MAML2: variants seen among roughly 807,000 people sequenced by gnomAD.
MAML2 encodes the protein mastermind like transcriptional coactivator 2.
MAML2 carries 22 observed loss-of-function variants against 96.1 expected under a neutral mutation model. The observed-to-expected ratio is 0.23, with a 90% CI of 0.16 to 0.33. MAML2 has a LOEUF of 0.33. MAML2 is among the 10% of genes least tolerant of loss of function. The pLI is 1.00. For missense variants in MAML2, 1,367 were observed against 1,392.4 expected (o/e 0.98, Z 0.29); for synonymous variants, 561 against 521.3 (o/e 1.08, Z -1.04).
chr11:96,066,541 T>G (rs1259299152), intron 2 of MAML2, among the ~76,000 whole-genome samples: 1 of 152,232 alleles, frequency 6.6e-6, no homozygotes, highest in Non-Finnish European at 1.5e-5. Flanking sequence ...ATGTTGAATC[T>G]AATGATGTTT....
chr11:96,177,916 TTGTGTGTG>T (rs58447778), intron 1 of MAML2, among the ~76,000 whole-genome samples: 30 of 139,938 alleles, frequency 2.1e-4, no homozygotes, highest in African/African-American at 4.5e-4. Context: ...GAGACCTTAG[TTGTGTGTG>T]TGTGTGTGTG....
intron 1 of MAML2, among the ~76,000 whole-genome samples, chr11:96,285,362 T>C (rs1863124534): frequency 6.6e-6 from 1 of 152,094 alleles, no homozygotes; most frequent in Non-Finnish European, 1.5e-5. Flanking sequence ...AATCCCAAAC[T>C]TTAAACACCT....
chr11:96,341,216 G>T (rs1018411890), intron 1 of MAML2, among the ~76,000 whole-genome samples, 167 bp downstream of exon 1: 7 of 152,190 alleles, frequency 4.6e-5, no homozygotes, highest in African/African-American at 1.7e-4. Context: ...AGAACATGAT[G>T]AGTAGGCGCA....
rs1864015797 is a variant in MAML2, at chr11:96,342,679, G to T, written c.-784C>A. The T allele has an allele frequency of 2.8e-6, 1 of 361,958 alleles. No individual in the cohort carries two copies. The highest frequency in any genetic ancestry group is 4.9e-6 in the Non-Finnish European group (1 of 203,566). The allele number at this position is 361,958 out of a possible 1,614,324, so 22.4% of individuals were successfully genotyped here. A position where few individuals can be genotyped will look rare whatever the true frequency, so the allele number is the denominator to read the frequency against. ...GTCAGTAATTGGACTTTTGGACCATGCTTTTTTCTTCAGCTAATCCAATCA... is the reference window on the plus strand; with the variant it reads ...GTCAGTAATTGGACTTTTGGACCATTCTTTTTTCTTCAGCTAATCCAATCA... On this transcript the variant is annotated 5_prime_UTR_variant, in exon 1 of 5. Coordinates refer to ENST00000524717, the MANE Select transcript of MAML2 (RefSeq NM_032427.4).
chr11:96,067,843 T>C (rs1859269306), intron 2 of MAML2, among the ~76,000 whole-genome samples: 1 of 152,224 alleles, frequency 6.6e-6, no homozygotes, highest in Non-Finnish European at 1.5e-5. Context: ...ATATTATATT[T>C]TGCAAGCTTG....
In MAML2 at chr11:96,092,012, A is replaced by C; in HGVS notation, c.2019T>G (p.Ser673=). ...ACCTTAGCAAAGGCTGGCTTGGTAG[A>C]GATTGGGCAGGCTGAGAAGATGGTT... ...QQQPSSQPAQ[S]LPSQPLLRSP... The change falls in exon 2 of 5, where the codon TCT becomes TCG. Residue 673 remains serine (S), a synonymous_variant. Transcript: ENST00000524717. This position sits in a 1 kb window ranked among gnomAD's most constrained non-coding sequence, Gnocchi z 4.1. The C allele has an allele frequency of 1.9e-6, 3 of 1,574,550 alleles. No homozygotes were observed. Among genetic ancestry groups the C allele is most frequent in the Non-Finnish European group, 2.6e-6 (3 of 1,159,460 alleles).
intron 1 of MAML2, among the ~76,000 whole-genome samples, chr11:96,159,404 A>G (rs1432122694): frequency 1.6e-5 from 1 of 62,000 alleles, no homozygotes. Context: ...TAAACCACTG[A>G]TTCTTTTTTT....
intron 1 of MAML2, among the ~76,000 whole-genome samples, chr11:96,170,622 G>A (rs966399594): frequency 6.6e-6 from 1 of 152,214 alleles, no homozygotes; most frequent in African/African-American, 2.4e-5. Context: ...TGGATTATCA[G>A]GCAGCAAAGG....
chr11:96,316,298 A>G (rs544267621), intron 1 of MAML2, among the ~76,000 whole-genome samples: 1 of 152,334 alleles, frequency 6.6e-6, no homozygotes, highest in African/African-American at 2.4e-5. Flanking sequence ...AGGCAATAAA[A>G]TGGAGTTTCT....
chr11:96,122,500 GTGT>G (rs1565221690), intron 1 of MAML2, among the ~76,000 whole-genome samples: 917 of 86,428 alleles, frequency 0.011, 9 homozygotes, highest in African/African-American at 0.04. Flanking sequence ...TAGGCTGGGT[GTGT>G]GTGTGTGTGT....
At chr11:96,253,991 A>G (rs1017603957) in intron 1 of MAML2, among the ~76,000 whole-genome samples, 2 of 152,230 alleles carry the variant, frequency 1.3e-5, no homozygotes, top group African/African-American at 2.4e-5. Context: ...TTGCAAAGGT[A>G]TATAAGAATA....
At chr11:96,064,470 T>C (rs773513508) in intron 2 of MAML2, among the ~76,000 whole-genome samples, 1 of 152,208 alleles carries the variant, frequency 6.6e-6, no homozygotes, top group Non-Finnish European at 1.5e-5. Flanking sequence ...TGTGGAAAAA[T>C]AGTTGTATAT....
chr11:96,029,807 A>C (rs1463585858), intron 2 of MAML2, among the ~76,000 whole-genome samples: 2 of 152,238 alleles, frequency 1.3e-5, no homozygotes, highest in African/African-American at 4.8e-5. Context: ...GCTCAAAGAT[A>C]GGCCTAAAGG....
chr11:96,173,591 G>A (rs7116135), intron 1 of MAML2, among the ~76,000 whole-genome samples: 4,286 of 152,242 alleles, frequency 0.028, 200 homozygotes, highest in African/African-American at 0.099. Context: ...AGTATGAAAG[G>A]GGCAGAATAA....
chr11:95,991,002 G>C (rs551949545), intron 3 of MAML2, among the ~76,000 whole-genome samples: 11 of 151,244 alleles, frequency 7.3e-5, no homozygotes, highest in African/African-American at 2.7e-4. Context: ...AATCACTTTT[G>C]CATCAACCTA....
At chr11:96,016,077 T>G (rs974773690) in intron 2 of MAML2, among the ~76,000 whole-genome samples, 2 of 152,184 alleles carry the variant, frequency 1.3e-5, no homozygotes, top group African/African-American at 4.8e-5. Flanking sequence ...AACTTAATCT[T>G]TATTTAAACT....
At chr11:96,137,750 A>T (rs1408353403) in intron 1 of MAML2, among the ~76,000 whole-genome samples, 1 of 152,244 alleles carries the variant, frequency 6.6e-6, no homozygotes, top group Non-Finnish European at 1.5e-5. Context: ...AATCACTTGG[A>T]TAATGAATAT....
At chr11:96,337,648 T>C (rs1863937175) in intron 1 of MAML2, among the ~76,000 whole-genome samples, 1 of 152,216 alleles carries the variant, frequency 6.6e-6, no homozygotes. Flanking sequence ...AGTCTTATCT[T>C]GACAGCAGTA....
At chr11:96,315,498 C>T (rs1863617728) in intron 1 of MAML2, among the ~76,000 whole-genome samples, 1 of 152,194 alleles carries the variant, frequency 6.6e-6, no homozygotes, top group African/African-American at 2.4e-5. Flanking sequence ...CTATCTCTTT[C>T]ACACTTTAAA....
Sources: gnomAD v4.1 joint callset for allele counts (sites outside exome capture counted in the v4.1 genomes callset) on GRCh38, gnomAD v4.1.1 for gene constraint, Gnocchi (gnomAD v3.1) non-coding constraint, MANE v1.5 for transcripts, NCBI Gene and HGNC (gene_info 2026-07-23, HGNC 2026-07-21) for gene names.